TRPM2: variants seen among roughly 807,000 people sequenced by gnomAD.
TRPM2 encodes the protein transient receptor potential cation channel subfamily M member 2, also known as estrogen-responsive element-associated gene 1 protein.
Under a neutral mutation model 174.0 loss-of-function variants are expected in TRPM2, and 161 were observed. The observed-to-expected ratio is 0.93, with a 90% CI of 0.81 to 1.05. TRPM2 has a LOEUF of 1.05. Ranked by LOEUF, TRPM2 falls within the 50% of genes least tolerant of loss-of-function variation. TRPM2 has a pLI of 0.00. For synonymous variants in TRPM2, 954 were observed against 861.3 expected, an observed-to-expected ratio of 1.11 and a Z score of -1.88; for missense variants, 2,057 against 2,038.0, an observed-to-expected ratio of 1.01 and a Z score of -0.18.
In TRPM2 at chr21:44,405,913, C is replaced by A; in HGVS notation, c.2666C>A (p.Pro889Gln). ...FVAGLTCRLI[P>Q]ATLYPGRVIL... ...TTCTGCCCGGCGGCCAGGCTCATCC[C>A]GGCGACGCTGTACCCCGGGCGCGTC... Residue 889 changes from proline to glutamine, a missense_variant, in exon 18 of 32, where the codon CCG becomes CAG. Pro to Gln is a moderately conservative substitution (Grantham distance 76, BLOSUM62 -1). Transcript: ENST00000397928. 1 of 1,603,098 alleles carries A rather than the reference C, an allele frequency of 6.2e-7. No individual in the cohort carries two copies.
At position 44,382,712 on chromosome 21, in the gene TRPM2, T is replaced by C; in HGVS notation, c.1216-6T>C. 1 of 1,613,634 alleles carries C rather than the reference T, an allele frequency of 6.2e-7. No homozygotes were observed. Among genetic ancestry groups the C allele is most frequent in the Non-Finnish European group, 8.5e-7 (1 of 1,179,802 alleles). On this transcript the variant is annotated splice_polypyrimidine_tract_variant and splice_region_variant and intron_variant, in intron 8 of 31. Transcript: ENST00000397928. ...GTGTGTCTCACTTAGAAAATGCTTG[T>C]TGCAGATCCAAGATATCGTCCGGAG... is the stretch of plus-strand genomic sequence containing the variant.
At position 44,409,018 on chromosome 21, in the gene TRPM2, A is replaced by AGTT. The variant is rs1229949903; in HGVS notation, c.2962+2255_2962+2256insTGT. On this transcript the variant is annotated intron_variant, in intron 19 of 31. Coordinates refer to ENST00000397928, the MANE Select transcript of TRPM2 (RefSeq NM_003307.4). ...TATTGAGTTGTCTTTTATATTATTGAGTCGTAAGAGTTCTTTACGTAAGGA... is the reference window on the plus strand; with the variant it reads ...TATTGAGTTGTCTTTTATATTATTGAGTTGTCGTAAGAGTTCTTTACGTAAGGA... 3.1e-4 allele frequency among the ~76,000 whole-genome samples: 47 copies of AGTT among 152,150 alleles called. 2 individuals carry two copies. In the South Asian group the frequency reaches 9.8e-3, roughly 32 times the overall value.
At position 44,425,695 on chromosome 21, in the gene TRPM2, G is replaced by A. The variant is rs373750979; in HGVS notation, c.3663G>A (p.Pro1221=). The change falls in exon 25 of 32, where the codon CCG becomes CCA. Residue 1221 remains proline, a synonymous_variant. Transcript: ENST00000397928. ...CCTCCCAGAAGGCCGCGGAGGAGCC[G>A]GATGCTGAGCCGGGAGGCAGGAAGA... The part of the protein sequence containing the change: ...TLASQKAAEE[P]DAEPGGRKKT... 9 of 1,551,168 alleles carry A rather than the reference G, an allele frequency of 5.8e-6. No homozygotes were observed. The African/African-American group carries it at 8.2e-5, about 14-fold the overall frequency.
At chr21:44,437,701 C>G (rs753192078) in intron 29 of TRPM2, among the ~76,000 whole-genome samples, 52 of 152,188 alleles carry the variant, frequency 3.4e-4, no homozygotes, top group Non-Finnish European at 6.8e-4. Context: ...GGAGCGCACC[C>G]CAGCATCTTG....
Position 44,438,957 on chromosome 21 carries a change from G to T in TRPM2, c.4168-110G>T. 1.2e-6 allele frequency: 1 copy of T among 805,962 alleles called. No individual in the cohort carries two copies. The highest frequency in any genetic ancestry group is 2.0e-6 in the Non-Finnish European group (1 of 503,930). The allele number at this position is 805,962 out of a possible 1,614,324, so 49.9% of individuals were successfully genotyped here. A position where few individuals can be genotyped will look rare whatever the true frequency, so the allele number is the denominator to read the frequency against. ...ATGCCGCCTGCCTGTGGCTCCCAGG[G>T]CTGGGCCGCTGCCCACGCCGGGCAG... is the stretch of plus-strand genomic sequence containing the variant. On this transcript the variant is annotated intron_variant, in intron 29 of 31. Transcript: ENST00000397928. The surrounding 1 kb of genome is among the most constrained non-coding windows in gnomAD (Gnocchi z 5.9).
At chr21:44,411,305 T>C (rs1456175825) in intron 19 of TRPM2, among the ~76,000 whole-genome samples, 1 of 152,212 alleles carries the variant, frequency 6.6e-6, no homozygotes. Flanking sequence ...TAATAAGTCT[T>C]AATGCTTCTT....
chr21:44,404,750 CAG>C (rs1318179646), intron 16 of TRPM2, among the ~76,000 whole-genome samples: 1 of 149,748 alleles, frequency 6.7e-6, no homozygotes, highest in African/African-American at 2.5e-5. Context: ...ATGATAGTGA[CAG>C]TGATAGTGAT....
At chr21:44,369,003 G>C (rs556188733) in intron 4 of TRPM2, 174 bp from the exon 5 acceptor site, 3 of 611,048 alleles carry the variant, frequency 4.9e-6, no homozygotes, top group South Asian at 6.4e-5. Context: ...CCACCTGAGC[G>C]CGTGGGAACC....
Position 44,437,125 on chromosome 21 carries a change from G to A in TRPM2, c.4125G>A (p.Leu1375=). 3 of 1,551,384 alleles carry A rather than the reference G, an allele frequency of 1.9e-6. No individual in the cohort carries two copies. The highest frequency in any genetic ancestry group is 2.6e-6 in the Non-Finnish European group (3 of 1,146,898). ...RKSIKKMLEV[L]VVKLPLSEHW... Reference sequence around the variant, plus strand: ...GCATAAAGAAGATGCTGGAAGTGCTGGTGGTGAAGCTCCCTCTCTCCGAGC... The same window carrying A: ...GCATAAAGAAGATGCTGGAAGTGCTAGTGGTGAAGCTCCCTCTCTCCGAGC... The change falls in exon 29 of 32, where the codon CTG becomes CTA. Residue 1375 remains leucine (L), a synonymous_variant. Coordinates refer to ENST00000397928, the MANE Select transcript of TRPM2 (RefSeq NM_003307.4).
chr21:44,390,980 G>A lies in TRPM2; in HGVS notation c.1395G>A (p.Val465=), dbSNP rs772492139. ...QLKLAVAWNR[V]DIARSEIFMD... ...AACTGGCAGTGGCATGGAATCGCGT[G>A]GACATTGCCCGCAGTGAGATCTTCA... Residue 465 remains valine (V), a synonymous_variant, in exon 10 of 32, where the codon GTG becomes GTA. Coordinates refer to ENST00000397928, the MANE Select transcript of TRPM2 (RefSeq NM_003307.4). The A allele has an allele frequency of 5.6e-6, 9 of 1,613,980 alleles. No individual in the cohort carries two copies. The highest frequency in any genetic ancestry group is 7.6e-6 in the Non-Finnish European group (9 of 1,180,054).
Position 44,376,176 on chromosome 21 carries a change from C to T in TRPM2, c.952+163C>T, listed in dbSNP as rs1033468451. 2.6e-5 allele frequency among the ~76,000 whole-genome samples: 4 copies of T among 152,018 alleles called. No individual in the cohort carries two copies. The highest frequency in any genetic ancestry group is 1.9e-4 in the East Asian group (1 of 5,190). Reference sequence around the variant, plus strand: ...CAGGTACAGCTGGTCACAGGTCATTCGTGGCACTCGGCAGAGAGCGCGGTG... The same window carrying T: ...CAGGTACAGCTGGTCACAGGTCATTTGTGGCACTCGGCAGAGAGCGCGGTG... On this transcript the variant is annotated intron_variant, in intron 6 of 31. Coordinates refer to ENST00000397928, the MANE Select transcript of TRPM2 (RefSeq NM_003307.4). This position sits in a 1 kb window ranked among gnomAD's most constrained non-coding sequence, Gnocchi z 4.2.
At chr21:44,409,949 G>A (rs531527106) in intron 19 of TRPM2, among the ~76,000 whole-genome samples, 20 of 150,676 alleles carry the variant, frequency 1.3e-4, no homozygotes, top group East Asian at 4.0e-4. Flanking sequence ...CTTGGTTGGC[G>A]TAGCCTTGTA....
At chr21:44,398,638 C>G (rs1008822711) in intron 13 of TRPM2, among the ~76,000 whole-genome samples, 4 of 152,064 alleles carry the variant, frequency 2.6e-5, no homozygotes, top group African/African-American at 9.7e-5. Context: ...TCACAGGGGT[C>G]GAAGTGGGTT....
chr21:44,428,619 G>GC lies in TRPM2; in HGVS notation c.3974+1512dup, dbSNP rs1414340055. 2.7e-5 allele frequency among the ~76,000 whole-genome samples: 4 copies of GC among 148,244 alleles called. No individual in the cohort carries two copies. In the South Asian group the frequency reaches 6.4e-4, roughly 24 times the overall value. On this transcript the variant is annotated intron_variant, in intron 27 of 31. Coordinates refer to ENST00000397928, the MANE Select transcript of TRPM2 (RefSeq NM_003307.4). ...GGTGTGGCTCCTCCCCTTAGGTCTG[G>GC]CCCCTCCCCTGAGGTGTGGCTCCTC...
At chr21:44,418,266 G>C (rs1375279212) in intron 21 of TRPM2, among the ~76,000 whole-genome samples, 157 bp from the exon 22 acceptor site, 5 of 152,206 alleles carry the variant, frequency 3.3e-5, no homozygotes, top group South Asian at 2.1e-4. Flanking sequence ...AGTGGTGGGG[G>C]CTGAGCCCAG....
intron 22 of TRPM2, among the ~76,000 whole-genome samples, chr21:44,420,881 T>C (rs1047451200): frequency 6.6e-6 from 1 of 152,172 alleles, no homozygotes; most frequent in Non-Finnish European, 1.5e-5. Flanking sequence ...TATTTTTCCT[T>C]CCACTTTTAC....
chr21:44,372,231 C>T (rs376503082), intron 5 of TRPM2, among the ~76,000 whole-genome samples: 2 of 151,542 alleles, frequency 1.3e-5, no homozygotes, highest in African/African-American at 4.9e-5. Context: ...TGGCCGAGTG[C>T]GGTGGCTCAC....
Position 44,441,777 on chromosome 21 carries a change from TCCTC to T in TRPM2, c.4474_4477del (p.Leu1492ArgfsTer23). On this transcript the variant is annotated frameshift_variant, in exon 32 of 32. Coordinates refer to ENST00000397928, the MANE Select transcript of TRPM2 (RefSeq NM_003307.4). LOFTEE classifies it high-confidence loss of function. Reference sequence around the variant, plus strand: ...CCACTCTATGCGAACCACAAGACCCTCCTCCAGAAGGCAGCCGCTGAGTTCGGGG... The same window carrying T: ...CCACTCTATGCGAACCACAAGACCCTCAGAAGGCAGCCGCTGAGTTCGGGG... 6.2e-7 allele frequency: 1 copy of T among 1,610,810 alleles called. No homozygotes were observed. The highest frequency in any genetic ancestry group is 1.1e-5 in the South Asian group (1 of 90,166).
chr21:44,383,276 C>T (rs2048934471), intron 9 of TRPM2, among the ~76,000 whole-genome samples: 1 of 152,194 alleles, frequency 6.6e-6, no homozygotes, highest in Admixed American at 6.5e-5. Flanking sequence ...GCCCATTCTC[C>T]AGGCCACAAA....
Sources: allele counts gnomAD v4.1 joint callset (sites outside exome capture counted in the v4.1 genomes callset), GRCh38; gene constraint gnomAD v4.1.1; non-coding constraint Gnocchi (gnomAD v3.1); transcripts MANE v1.5; gene names NCBI Gene and HGNC (gene_info 2026-07-23, HGNC 2026-07-21).